Variants in PKD1L3 observed in about 807,000 individuals in gnomAD.
PKD1L3 encodes polycystin 1 like 3, transient receptor potential channel interacting.
In PKD1L3, 239 loss-of-function variants were observed where a neutral mutation model predicts 184.1. The observed-to-expected ratio is 1.30, with a 90% CI of 1.17 to 1.45. The LOEUF is 1.45. PKD1L3 is among the 40% of genes most tolerant of loss of function. The probability of loss-of-function intolerance (pLI) is 0.00; values close to 1 mark genes in which losing one functional copy is unlikely to be tolerated. For synonymous variants in PKD1L3, 996 were observed against 778.8 expected (o/e 1.28, Z -4.64); for missense variants, 2,660 against 2,067.2 (o/e 1.29, Z -5.56).
rs771117758 is a variant in PKD1L3 at position 71,978,321 on chromosome 16, A to C, written c.1461T>G (p.Ile487Met). 2.8e-5 allele frequency: 43 copies of C among 1,550,874 alleles called. No homozygotes were observed. The highest frequency in any genetic ancestry group is 3.6e-5 in the Non-Finnish European group (41 of 1,146,494). ...GATTAGCGCTTAGTAACACACTTCC[A>C]ATGCTTCCAACAATGTTTCTGTTGT... ...DLDNRNIVGS[I>M]GSVLLSANRK... The change falls in exon 10 of 30, where the codon ATT becomes ATG. Residue 487 changes from isoleucine (I) to methionine (M), a missense_variant. Coordinates refer to ENST00000620267, the MANE Select transcript of PKD1L3 (RefSeq NM_181536.2).
rs1257014075 is a variant in PKD1L3, at chr16:71,947,609, A to G, written c.3619-18T>C. On this transcript the variant is annotated intron_variant, in intron 21 of 29. Transcript: ENST00000620267. ...AAGACCACCTGGGCAGGAGAATCAC[A>G]GAACATCGTGAGCAGACATTACAGA... The G allele has an allele frequency of 6.1e-6, 9 of 1,464,408 alleles. No individual in the cohort carries two copies. The highest frequency in any genetic ancestry group is 1.2e-5 in the South Asian group (1 of 82,214). 90.7% of individuals were successfully genotyped at this position (1,464,408 alleles called of 1,614,324 possible).
At chr16:71,996,785 A>T (rs954273936) in intron 2 of PKD1L3, among the ~76,000 whole-genome samples, 11 of 152,030 alleles carry the variant, frequency 7.2e-5, no homozygotes, top group African/African-American at 2.7e-4. Context: ...TTATTACTGA[A>T]TTGGACTCCA....
intron 16 of PKD1L3, among the ~76,000 whole-genome samples, chr16:71,962,009 C>A (rs2039299073): frequency 6.6e-6 from 1 of 152,198 alleles, no homozygotes; most frequent in Non-Finnish European, 1.5e-5. Context: ...ACTGCAACTT[C>A]CGCTTCCTGG....
chr16:71,950,335 C>G (rs1209522964), intron 19 of PKD1L3, 25 bp from the exon 20 acceptor site: 1 of 1,494,478 alleles, frequency 6.7e-7, no homozygotes, highest in Non-Finnish European at 9.0e-7. Context: ...CAAGTTGACA[C>G]TTTCACAAGT....
chr16:71,948,513 G>C (rs1040001670), intron 21 of PKD1L3, among the ~76,000 whole-genome samples: 1 of 152,062 alleles, frequency 6.6e-6, no homozygotes, highest in Non-Finnish European at 1.5e-5. Flanking sequence ...GAGCCACTGC[G>C]CCCAGCCACT....
chr16:71,950,114 T>C lies in PKD1L3; in HGVS notation c.3383+4A>G. The C allele has an allele frequency of 3.9e-6, 6 of 1,551,394 alleles. No homozygotes were observed. Among genetic ancestry groups the C allele is most frequent in the Non-Finnish European group, 5.2e-6 (6 of 1,146,540 alleles). ...GATAAAGAAGGCTTGGTGTGGTGCA[T>C]TACCTGGATGGCTCTTGCTCCGTGG... On this transcript the variant is annotated splice_donor_region_variant and intron_variant, in intron 20 of 29. Coordinates refer to ENST00000620267, the MANE Select transcript of PKD1L3 (RefSeq NM_181536.2).
rs1237633088 is a variant in PKD1L3 at position 71,930,055 on chromosome 16, A to G, written c.5055T>C (p.Leu1685=). The G allele has an allele frequency of 2.6e-6, 4 of 1,548,888 alleles. No individual in the cohort carries two copies. The highest frequency in any genetic ancestry group is 3.5e-6 in the Non-Finnish European group (4 of 1,146,046). ...LMAFGKERKS[L]KKEAALIDTL... is the part of the protein sequence containing the mutation. ...AGTTTATCTTTTAGTTACCTACCTT[A>G]AGCGACTTTCTTTCTTTTCCAAAGG... The change falls in exon 29 of 30, where the codon CTT becomes CTC. Residue 1685 remains leucine, a synonymous_variant. Transcript: ENST00000620267.
rs1010517733 is a variant in PKD1L3 at position 71,973,325 on chromosome 16, T to G, written c.1952A>C (p.Gln651Pro). 2 of 1,551,414 alleles carry G rather than the reference T, an allele frequency of 1.3e-6. No homozygotes were observed. The highest frequency in any genetic ancestry group is 1.4e-5 in the African/African-American group (1 of 73,042). Reference protein sequence around the residue: ...HNQTWSSAGCQVGPQSTILRT... With the variant: ...HNQTWSSAGCPVGPQSTILRT... Reference sequence around the variant, plus strand: ...CCAAGAAGCGGCTCAGTTTCTTACTTGGCATCCGGCGCTGCTCCATGTCTG... The same window carrying G: ...CCAAGAAGCGGCTCAGTTTCTTACTGGGCATCCGGCGCTGCTCCATGTCTG... The change falls in exon 12 of 30, where the codon CAA (glutamine) becomes CCA (proline). Residue 651 changes from glutamine (Q) to proline (P), a missense_variant and splice_region_variant. By Grantham distance (76) the Gln-to-Pro change is moderately conservative. Transcript: ENST00000620267.
chr16:71,936,315 G>C (rs1283738807), intron 25 of PKD1L3, among the ~76,000 whole-genome samples: 1 of 146,400 alleles, frequency 6.8e-6, no homozygotes, highest in Non-Finnish European at 1.5e-5. Flanking sequence ...AAGCAATTCT[G>C]CCCCAGTCTC....
chr16:71,974,177 C>T (rs2039831940), intron 11 of PKD1L3, among the ~76,000 whole-genome samples: 1 of 152,152 alleles, frequency 6.6e-6, no homozygotes, highest in South Asian at 2.1e-4. Context: ...GATAGGGCAG[C>T]TTCAGGAACA....
At chr16:71,937,181 G>A (rs931804190) in intron 25 of PKD1L3, 111 bp downstream of exon 25, 32 of 1,108,310 alleles carry the variant, frequency 2.9e-5, no homozygotes, top group Admixed American at 1.6e-4. Flanking sequence ...TCAGCCTCCC[G>A]AGTAGCTGGG....
intron 2 of PKD1L3, among the ~76,000 whole-genome samples, chr16:71,997,316 G>T (rs868308652): frequency 6.6e-6 from 1 of 151,954 alleles, no homozygotes; most frequent in Non-Finnish European, 1.5e-5. Context: ...GCCGGGCACG[G>T]TGGCTCATTC....
chr16:71,970,099 G>T lies in PKD1L3; in HGVS notation c.1960C>A (p.Pro654Thr). ...TGTGTCCTCAGAATTGTGCTCTGTG[G>T]CCCAACCTGGAATTAGAATCAAGAC... ...TWSSAGCQVG[P>T]QSTILRTQCL... Residue 654 changes from proline to threonine, a missense_variant, in exon 13 of 30, where the codon CCA (proline) becomes ACA (threonine). Transcript: ENST00000620267. 1 of 1,551,218 alleles carries T rather than the reference G, an allele frequency of 6.4e-7. No individual in the cohort carries two copies. The highest frequency in any genetic ancestry group is 8.7e-7 in the Non-Finnish European group (1 of 1,146,620).
chr16:71,944,981 T>G (rs1406813281), intron 22 of PKD1L3, among the ~76,000 whole-genome samples: 7 of 151,012 alleles, frequency 4.6e-5, no homozygotes, highest in Admixed American at 1.3e-4. Context: ...AAAACATATA[T>G]TAAAAAAAGA....
chr16:71,937,774 T>C (rs1289366074), intron 24 of PKD1L3, among the ~76,000 whole-genome samples: 3 of 152,154 alleles, frequency 2.0e-5, no homozygotes, highest in Non-Finnish European at 4.4e-5. Context: ...GTACTAACGG[T>C]ATCCCATGGA....
chr16:71,977,715 G>A (rs2039986790), intron 10 of PKD1L3, among the ~76,000 whole-genome samples: 1 of 150,902 alleles, frequency 6.6e-6, no homozygotes, highest in Admixed American at 6.6e-5. Flanking sequence ...CTCATTGGAT[G>A]TTAGTAGCTA....
At chr16:71,969,630 A>G (rs2039634719) in intron 13 of PKD1L3, among the ~76,000 whole-genome samples, 1 of 151,982 alleles carries the variant, frequency 6.6e-6, no homozygotes, top group South Asian at 2.1e-4. Flanking sequence ...CTTTTGGCTC[A>G]TTCCTGTCCT....
chr16:71,949,397 G>A (rs4412977), intron 21 of PKD1L3, among the ~76,000 whole-genome samples: 1 of 148,216 alleles, frequency 6.7e-6, no homozygotes, highest in East Asian at 2.0e-4. Flanking sequence ...CTGTCACCTA[G>A]GCTGGAGTAC....
Position 71,993,318 on chromosome 16 carries a change from C to T in PKD1L3, c.433G>A (p.Gly145Arg), listed in dbSNP as rs780618557. ...FICQTGDFLD[G>R]DAHYERNGNN... ...CCATTTCTTTCATAATGGGCATCTCCGTCCAAAAAGTCACCTATTTGAAAG... is the reference window on the plus strand; with the variant it reads ...CCATTTCTTTCATAATGGGCATCTCTGTCCAAAAAGTCACCTATTTGAAAG... The change falls in exon 3 of 30, where the codon GGA becomes AGA. Residue 145 changes from glycine (G) to arginine (R), a missense_variant. By Grantham distance (125) the Gly-to-Arg change is moderately radical (BLOSUM62 -2). Coordinates refer to ENST00000620267, the MANE Select transcript of PKD1L3 (RefSeq NM_181536.2). 5.0e-5 allele frequency: 77 copies of T among 1,545,954 alleles called. No homozygotes were observed. The highest frequency in any genetic ancestry group is 1.7e-4 in the Middle Eastern group (1 of 5,990).
Sources: gnomAD v4.1 joint callset for allele counts (sites outside exome capture counted in the v4.1 genomes callset) on GRCh38, gnomAD v4.1.1 for gene constraint, MANE v1.5 for transcripts, NCBI Gene and HGNC (gene_info 2026-07-23, HGNC 2026-07-21) for gene names.